The following NEURL3 variants were observed in gnomAD, a reference collection of about 807,000 sequenced individuals.
NEURL3 encodes E3 ubiquitin-protein ligase NEURL3.
Under a neutral mutation model 17.6 loss-of-function variants are expected in NEURL3, and 19 were observed. That is an observed-to-expected ratio of 1.08 (90% CI 0.75 to 1.58). The LOEUF is 1.58. NEURL3 is among the 40% of genes most tolerant of loss of function. The probability of loss-of-function intolerance (pLI) is 0.00; values close to 1 mark genes in which losing one functional copy is unlikely to be tolerated. For synonymous variants in NEURL3, 180 were observed against 161.4 expected, an observed-to-expected ratio of 1.11 and a Z score of -0.87; for missense variants, 342 against 379.6, an observed-to-expected ratio of 0.90 and a Z score of 0.82.
In NEURL3 at chr2:96,498,854, T is replaced by C. The variant is rs1380746591; in HGVS notation, c.587-408A>G. ...GTGCAGTGGTGTGATCACAGCTCAC[T>C]GCAGCCTCAGCCAGCTGGGCTCAAG... On this transcript the variant is annotated intron_variant, in intron 3 of 3. Coordinates refer to ENST00000451794, the MANE Select transcript of NEURL3 (RefSeq NM_001285485.2). This position sits in a 1 kb window ranked among gnomAD's most constrained non-coding sequence, Gnocchi z 4.4. 1.3e-5 allele frequency among the ~76,000 whole-genome samples: 2 copies of C among 152,202 alleles called. No homozygotes were observed. The highest frequency in any genetic ancestry group is 4.8e-5 in the African/African-American group (2 of 41,444).
chr2:96,504,492 G>T (rs2065542090), intron 1 of NEURL3: 1 of 152,208 alleles, frequency 6.6e-6, no homozygotes, highest in South Asian at 2.1e-4. Context: ...TGCCCACCAG[G>T]GGACAGAGGA....
chr2:96,506,218 T>C (rs2065559627), upstream of NEURL3, among the ~76,000 whole-genome samples: 2 of 152,104 alleles, frequency 1.3e-5, no homozygotes. Context: ...GACCCGACTT[T>C]TTTTTTTGAG....
chr2:96,502,556 C>T (rs187852896), intron 1 of NEURL3, among the ~76,000 whole-genome samples: 1 of 152,272 alleles, frequency 6.6e-6, no homozygotes, highest in African/African-American at 2.4e-5. Context: ...GAGTCTTGTT[C>T]ACTGCCTACC....
intron 1 of NEURL3, 126 bp from the exon 2 acceptor site, chr2:96,501,050 T>G (rs1490586187): frequency 1.7e-6 from 2 of 1,181,268 alleles, no homozygotes; most frequent in East Asian, 5.9e-5. Flanking sequence ...AGGGACCATT[T>G]CCACCTCTCT....
At chr2:96,505,794 T>C (rs934842032), upstream of NEURL3, among the ~76,000 whole-genome samples, 3 of 152,232 alleles carry the variant, frequency 2.0e-5, no homozygotes, top group African/African-American at 7.2e-5. Flanking sequence ...TCTGTGTTGC[T>C]GAAGCAGATT....
intron 3 of NEURL3, 51 bp downstream of exon 3, chr2:96,499,327 T>C: frequency 6.3e-7 from 1 of 1,592,658 alleles, no homozygotes; most frequent in Non-Finnish European, 8.5e-7. Context: ...CTCCCTCCAC[T>C]CCCAGGTGCT....
upstream of NEURL3, among the ~76,000 whole-genome samples, chr2:96,506,234 G>T (rs1473624021): frequency 6.6e-6 from 1 of 152,088 alleles, no homozygotes; most frequent in East Asian, 1.9e-4. Context: ...TTGAGACAGG[G>T]TCTCACTGTC....
In NEURL3 at chr2:96,504,877, C is replaced by CAAAAAA. The variant is rs1157285400; in HGVS notation, c.28+376_28+381dup. 1.2e-3 allele frequency among the ~76,000 whole-genome samples: 65 copies of CAAAAAA among 55,272 alleles called. 5 individuals are homozygous for CAAAAAA. In the East Asian group the frequency reaches 0.037, roughly 32 times the overall value. 36.3% of individuals were successfully genotyped at this position (55,272 alleles called of 152,430 possible). A position where few individuals can be genotyped will look rare whatever the true frequency, so the allele number is the denominator to read the frequency against. ...TGGGCAACAGAGCGAGACTCCGTCT[C>CAAAAAA]AAAAAAAAAAAAAAAAAAAAAAAGA... On this transcript the variant is annotated intron_variant, in intron 1 of 3. Transcript: ENST00000451794.
intron 3 of NEURL3, 90 bp downstream of exon 3, chr2:96,499,288 G>A (rs964087873): frequency 8.4e-6 from 13 of 1,547,484 alleles, no homozygotes; most frequent in Non-Finnish European, 1.1e-5. Context: ...TGAGAGACTT[G>A]AATGAACAAC....
At chr2:96,507,359 T>C (rs377137206), upstream of NEURL3, among the ~76,000 whole-genome samples, 130 of 152,382 alleles carry the variant, frequency 8.5e-4, 1 homozygote, top group South Asian at 0.026. Flanking sequence ...TTTCTCTTGT[T>C]GACCTGTCTT....
intron 2 of NEURL3, 23 bp downstream of exon 2, chr2:96,500,416 C>T (rs1471960167): frequency 6.3e-7 from 1 of 1,596,166 alleles, no homozygotes; most frequent in Non-Finnish European, 8.5e-7. Context: ...ACCTCCCCTG[C>T]GGGGTCCCCA....
chr2:96,497,976 T>G lies in NEURL3; in HGVS notation c.*268A>C. 1 of 450,622 alleles carries G rather than the reference T, an allele frequency of 2.2e-6. No individual in the cohort carries two copies. Among genetic ancestry groups the G allele is most frequent in the Non-Finnish European group, 4.0e-6 (1 of 252,210 alleles). 27.9% of individuals were successfully genotyped at this position (450,622 alleles called of 1,614,324 possible). A position where few individuals can be genotyped will look rare whatever the true frequency, so the allele number is the denominator to read the frequency against. ...CCTCAGATGTAAAACTGATTGGGGA[T>G]TGGGCCACCCCATCTCTAAACAAAG... On this transcript the variant is annotated 3_prime_UTR_variant, in exon 4 of 4. Coordinates refer to ENST00000451794, the MANE Select transcript of NEURL3 (RefSeq NM_001285485.2).
In NEURL3 at chr2:96,500,851, A is replaced by G; in HGVS notation, c.102T>C (p.Arg34=). The G allele has an allele frequency of 6.5e-7, 1 of 1,533,680 alleles. No homozygotes were observed. Among genetic ancestry groups the G allele is most frequent in the Non-Finnish European group, 8.7e-7 (1 of 1,146,564 alleles). Reference sequence around the variant, plus strand: ...TGGTGCGCCTGTGCGCGATGCAGCCACGCGTGTCCAGACGCACCTGTGCGC... The same window carrying G: ...TGGTGCGCCTGTGCGCGATGCAGCCGCGCGTGTCCAGACGCACCTGTGCGC... ...AKGAQVRLDT[R]GCIAHRRTTF... The change falls in exon 2 of 4, where the codon CGT becomes CGC. Residue 34 remains arginine (R), a synonymous_variant. Transcript: ENST00000451794.
At chr2:96,507,499 CTG>C (rs2065570310), upstream of NEURL3, among the ~76,000 whole-genome samples, 1 of 152,188 alleles carries the variant, frequency 6.6e-6, no homozygotes, top group Non-Finnish European at 1.5e-5. Flanking sequence ...GAGTCTCGCT[CTG>C]TGGCCCAGAC....
Position 96,500,749 on chromosome 2 carries a change from C to T in NEURL3, c.204G>A (p.Glu68=). Residue 68 remains glutamate, a synonymous_variant, in exon 2 of 4, where the codon GAG becomes GAA. Transcript: ENST00000451794. ...GGAGGCCGCCGCACCAGCCGCTCTC[C>T]TCCCGCAGCACTCGCAGCGCCACAC... ...GERVALRVLR[E]ESGWCGGLRV... 6.6e-7 allele frequency: 1 copy of T among 1,523,482 alleles called. No homozygotes were observed. 94.4% of individuals were successfully genotyped at this position (1,523,482 alleles called of 1,614,324 possible).
At chr2:96,500,077 C>A in intron 2 of NEURL3, 1 of 309,420 alleles carries the variant, frequency 3.2e-6, no homozygotes, top group Non-Finnish European at 6.1e-6. Flanking sequence ...CCTCTAGCCT[C>A]ACCTGTGTGT....
chr2:96,500,865 G>T lies in NEURL3; in HGVS notation c.88C>A (p.Arg30Ser). Reference sequence around the variant, plus strand: ...GCGATGCAGCCACGCGTGTCCAGACGCACCTGTGCGCCCTTGGCCTCGGCA... The same window carrying T: ...GCGATGCAGCCACGCGTGTCCAGACTCACCTGTGCGCCCTTGGCCTCGGCA... ...FHAEAKGAQV[R>S]LDTRGCIAHR... Residue 30 changes from arginine to serine, a missense_variant, in exon 2 of 4, where the codon CGT becomes AGT. By Grantham distance (110) the Arg-to-Ser change is moderately radical. Transcript: ENST00000451794. The T allele has an allele frequency of 6.5e-7, 1 of 1,537,702 alleles. No individual in the cohort carries two copies. Among genetic ancestry groups the T allele is most frequent in the Admixed American group, 1.9e-5 (1 of 51,798 alleles).
intron 1 of NEURL3, among the ~76,000 whole-genome samples, chr2:96,501,782 C>T (rs1004063433): frequency 9.9e-5 from 15 of 152,148 alleles, no homozygotes; most frequent in African/African-American, 3.1e-4. Flanking sequence ...CTGCCTTAGC[C>T]GGCCTTGCCC....
At chr2:96,506,742 G>A (rs927791468), upstream of NEURL3, among the ~76,000 whole-genome samples, 6 of 152,262 alleles carry the variant, frequency 3.9e-5, no homozygotes, top group Non-Finnish European at 5.9e-5. Context: ...TCTCATGAGA[G>A]GTATGTATGG....
Sources: allele counts gnomAD v4.1 joint callset (sites outside exome capture counted in the v4.1 genomes callset), GRCh38; gene constraint gnomAD v4.1.1; non-coding constraint Gnocchi (gnomAD v3.1); transcripts MANE v1.5; gene names NCBI Gene and HGNC (gene_info 2026-07-23, HGNC 2026-07-21).